The following FHOD3 variants were observed in gnomAD, a reference collection of about 807,000 sequenced individuals.
FHOD3 encodes the protein formin homology 2 domain containing 3.
FHOD3 carries 90 observed loss-of-function variants against 173.0 expected under a neutral mutation model. That is an observed-to-expected ratio of 0.52 (90% CI 0.44 to 0.62). FHOD3 has a LOEUF of 0.62. Among genes scored for constraint, FHOD3 ranks in the 20% least tolerant of loss-of-function variants. FHOD3 has a pLI of 0.00. For synonymous variants in FHOD3, 828 were observed against 823.0 expected, an observed-to-expected ratio of 1.01 and a Z score of -0.10; for missense variants, 1,945 against 2,034.7, an observed-to-expected ratio of 0.96 and a Z score of 0.85.
At chr18:36,355,026 A>T (rs1282698227) in intron 1 of FHOD3, among the ~76,000 whole-genome samples, 1 of 152,156 alleles carries the variant, frequency 6.6e-6, no homozygotes, top group East Asian at 1.9e-4. Context: ...ATTCAGTTGG[A>T]GGATGTTTCA....
chr18:36,362,137 A>G (rs369414192), intron 2 of FHOD3, among the ~76,000 whole-genome samples: 1 of 152,230 alleles, frequency 6.6e-6, no homozygotes, highest in Non-Finnish European at 1.5e-5. Flanking sequence ...GAACTCCTTA[A>G]GTGATGAGGG....
At position 36,650,953 on chromosome 18, in the gene FHOD3, A is replaced by G. The variant is rs8094444; in HGVS notation, c.1286+1548A>G. 3.2e-3 allele frequency among the ~76,000 whole-genome samples: 491 copies of G among 152,350 alleles called. 3 individuals are homozygous for G. The highest frequency in any genetic ancestry group is 0.011 in the African/African-American group (468 of 41,576). On this transcript the variant is annotated intron_variant, in intron 11 of 28. Coordinates refer to ENST00000590592, the MANE Select transcript of FHOD3 (RefSeq NM_001281740.3). Reference sequence around the variant, plus strand: ...AGAGACCATTAGGCTTTTCAGTTTTAGGAAATAAACATGTGTATGTTAAAT... The same window carrying G: ...AGAGACCATTAGGCTTTTCAGTTTTGGGAAATAAACATGTGTATGTTAAAT...
At chr18:36,707,714 C>T (rs2039959829) in intron 17 of FHOD3, among the ~76,000 whole-genome samples, 1 of 152,124 alleles carries the variant, frequency 6.6e-6, no homozygotes, top group South Asian at 2.1e-4. Context: ...TTCTGTGCAC[C>T]CCATGGCCAG....
chr18:36,342,688 A>G (rs2045682287), intron 1 of FHOD3, among the ~76,000 whole-genome samples: 1 of 152,248 alleles, frequency 6.6e-6, no homozygotes, highest in East Asian at 1.9e-4. Context: ...ACTTTATCAA[A>G]GTTAAAAACT....
At chr18:36,425,576 T>C (rs1035274009) in intron 3 of FHOD3, among the ~76,000 whole-genome samples, 8 of 152,082 alleles carry the variant, frequency 5.3e-5, no homozygotes, top group Non-Finnish European at 1.0e-4. Context: ...TTAGTAAAGA[T>C]AGTGGGGAAA....
In FHOD3 at chr18:36,406,434, T is replaced by G. The variant is rs73949480; in HGVS notation, c.337+33690T>G. On this transcript the variant is annotated intron_variant, in intron 3 of 28. Transcript: ENST00000590592. Reference sequence around the variant, plus strand: ...TGGGCCTCAAAACAGCCTTGGCATGTGCGGGAATGAGGATGGCGCATTTGG... The same window carrying G: ...TGGGCCTCAAAACAGCCTTGGCATGGGCGGGAATGAGGATGGCGCATTTGG... Among the ~76,000 whole-genome samples the G allele has an allele frequency of 3.2e-3, 492 of 152,276 alleles. 3 individuals are homozygous for G. Among genetic ancestry groups the G allele is most frequent in the African/African-American group, 0.011 (463 of 41,556 alleles).
Position 36,652,660 on chromosome 18 carries a change from G to T in FHOD3, c.1377G>T (p.Ser459=), listed in dbSNP as rs763515907. The change falls in exon 12 of 29, where the codon TCG becomes TCT. Residue 459 remains serine (S), a synonymous_variant. Coordinates refer to ENST00000590592, the MANE Select transcript of FHOD3 (RefSeq NM_001281740.3). ...TCCCTGCTGTCTCGAATGCCAGCTC[G>T]CAGGGAAAGCCGCTTCTGGTTGGCA... ...SALPAVSNAS[S]QGKPLLVGTA... 4.6e-6 allele frequency: 7 copies of T among 1,535,562 alleles called. No homozygotes were observed. The highest frequency in any genetic ancestry group is 1.2e-5 in the South Asian group (1 of 84,030).
At chr18:36,621,147 G>C (rs2033674261) in intron 9 of FHOD3, among the ~76,000 whole-genome samples, 1 of 152,128 alleles carries the variant, frequency 6.6e-6, no homozygotes. Flanking sequence ...TGACAGAAAA[G>C]AAAATATTTT....
At chr18:36,309,980 A>G (rs62101305) in intron 1 of FHOD3, among the ~76,000 whole-genome samples, 10,199 of 152,284 alleles carry the variant, frequency 0.067, 392 homozygotes, top group South Asian at 0.17. Context: ...GTTCATGACC[A>G]ATGCACTGTA....
chr18:36,422,686 C>A (rs1220717320), intron 3 of FHOD3, among the ~76,000 whole-genome samples: 1 of 152,170 alleles, frequency 6.6e-6, no homozygotes, highest in Non-Finnish European at 1.5e-5. Flanking sequence ...TTCTCCAGTG[C>A]CCCAGCAGTA....
chr18:36,344,379 C>T (rs148126082), intron 1 of FHOD3, among the ~76,000 whole-genome samples: 41 of 152,028 alleles, frequency 2.7e-4, no homozygotes, highest in Admixed American at 6.6e-4. Flanking sequence ...GTGGGACACA[C>T]CTGTGCTTCC....
chr18:36,434,414 T>A (rs1279327329), intron 3 of FHOD3, among the ~76,000 whole-genome samples: 1 of 152,186 alleles, frequency 6.6e-6, no homozygotes, highest in South Asian at 2.1e-4. Context: ...GTTCTATTGC[T>A]CTGTGTGTTC....
chr18:36,449,846 A>G (rs2051720394), intron 3 of FHOD3, among the ~76,000 whole-genome samples: 1 of 152,300 alleles, frequency 6.6e-6, no homozygotes, highest in African/African-American at 2.4e-5. Context: ...GAACACTAAA[A>G]ATTATATATG....
intron 3 of FHOD3, among the ~76,000 whole-genome samples, chr18:36,450,969 T>C (rs1430417145): frequency 2.0e-5 from 3 of 152,266 alleles, no homozygotes; most frequent in Admixed American, 2.0e-4. Context: ...TCTGAGGTCT[T>C]ACATCAGAAT....
intron 3 of FHOD3, among the ~76,000 whole-genome samples, chr18:36,458,165 C>G (rs893762808): frequency 6.6e-6 from 1 of 152,124 alleles, no homozygotes; most frequent in African/African-American, 2.4e-5. Flanking sequence ...GAAGTTTCCT[C>G]TGGGGGCATT....
At chr18:36,553,841 C>T (rs2057762710) in intron 5 of FHOD3, among the ~76,000 whole-genome samples, 1 of 152,184 alleles carries the variant, frequency 6.6e-6, no homozygotes, top group Non-Finnish European at 1.5e-5. Context: ...TGAACAGACA[C>T]TTCTCAAAAG....
intron 24 of FHOD3, among the ~76,000 whole-genome samples, chr18:36,753,908 C>T (rs906762794): frequency 2.4e-4 from 36 of 152,056 alleles, no homozygotes; most frequent in African/African-American, 8.2e-4. Flanking sequence ...TTTAGTGTTG[C>T]GTTGTAAGAT....
chr18:36,586,682 T>C (rs942834604), intron 6 of FHOD3, among the ~76,000 whole-genome samples: 4 of 151,914 alleles, frequency 2.6e-5, no homozygotes, highest in South Asian at 2.1e-4. Flanking sequence ...AGAGACAGAT[T>C]CCACCATGTT....
rs535695637 is a variant in FHOD3, at chr18:36,624,421, C to T, written c.958-1090C>T. Among the ~76,000 whole-genome samples, 36 of 152,294 alleles carry T rather than the reference C, an allele frequency of 2.4e-4. No individual in the cohort carries two copies. The South Asian group carries it at 5.0e-3, about 21-fold the overall frequency. Reference sequence around the variant, plus strand: ...GACACCAAAACTTGTATTCTTTCTGCTGTCCAGTTTTAGAGAATGTAGGCG... The same window carrying T: ...GACACCAAAACTTGTATTCTTTCTGTTGTCCAGTTTTAGAGAATGTAGGCG... On this transcript the variant is annotated intron_variant, in intron 9 of 28. Transcript: ENST00000590592.
Sources: allele counts gnomAD v4.1 joint callset (sites outside exome capture counted in the v4.1 genomes callset), GRCh38; gene constraint gnomAD v4.1.1; transcripts MANE v1.5; gene names NCBI Gene and HGNC (gene_info 2026-07-23, HGNC 2026-07-21).